Variants in NRXN1 observed in about 807,000 individuals in gnomAD.
NRXN1 encodes neurexin 1.
Under a neutral mutation model 150.9 loss-of-function variants are expected in NRXN1, and 39 were observed. The ratio of observed to expected loss-of-function variants is 0.26; its 90% CI spans 0.20 to 0.34. The LOEUF (loss-of-function observed/expected upper bound fraction) is 0.34, where lower values mean the gene tolerates loss of function less well. NRXN1 is among the 10% of genes least tolerant of loss of function. The probability of loss-of-function intolerance (pLI) is 1.00; values close to 1 mark genes in which losing one functional copy is unlikely to be tolerated. For missense variants in NRXN1, 1,815 were observed against 1,949.9 expected, an observed-to-expected ratio of 0.93 and a Z score of 1.30; for synonymous variants, 924 against 757.0, an observed-to-expected ratio of 1.22 and a Z score of -3.62.
At chr2:50,915,809 C>G (rs180998833) in intron 5 of NRXN1, among the ~76,000 whole-genome samples, 1 of 150,964 alleles carries the variant, frequency 6.6e-6, no homozygotes, top group South Asian at 2.1e-4. Context: ...AAAGCCTCCT[C>G]TATGCACTTT....
chr2:50,291,526 T>A (rs1363863590), intron 17 of NRXN1, among the ~76,000 whole-genome samples: 2 of 152,256 alleles, frequency 1.3e-5, no homozygotes, highest in Admixed American at 1.3e-4. Flanking sequence ...AGAGAAGCAT[T>A]CATCCCTGGA....
At chr2:50,988,978 C>T (rs1174364409) in intron 2 of NRXN1, among the ~76,000 whole-genome samples, 1 of 151,776 alleles carries the variant, frequency 6.6e-6, no homozygotes, top group East Asian at 1.9e-4. Flanking sequence ...TTATTTTCTG[C>T]CTTTCCCACT....
At chr2:50,947,270 T>C (rs1328885387) in intron 2 of NRXN1, among the ~76,000 whole-genome samples, 2 of 152,074 alleles carry the variant, frequency 1.3e-5, no homozygotes, top group East Asian at 1.9e-4. Flanking sequence ...ATCCCTGACA[T>C]GTACTACGCA....
intron 15 of NRXN1, among the ~76,000 whole-genome samples, chr2:50,485,144 A>C (rs2090772321): frequency 6.6e-6 from 1 of 152,206 alleles, no homozygotes; most frequent in African/African-American, 2.4e-5. Flanking sequence ...AATTGTTGTG[A>C]GGATTCAGAG....
chr2:50,704,177 T>C (rs142205927), intron 5 of NRXN1, among the ~76,000 whole-genome samples: 1 of 152,168 alleles, frequency 6.6e-6, no homozygotes, highest in East Asian at 1.9e-4. Context: ...GATAGAATAG[T>C]ATGCATCCTC....
At chr2:50,120,981 C>T (rs1703773468) in intron 18 of NRXN1, among the ~76,000 whole-genome samples, 2 of 152,150 alleles carry the variant, frequency 1.3e-5, no homozygotes, top group South Asian at 4.1e-4. Flanking sequence ...TAAGCACTTA[C>T]AATATGCCAG....
chr2:49,992,266 G>T (rs1682096187), intron 21 of NRXN1, among the ~76,000 whole-genome samples: 1 of 151,968 alleles, frequency 6.6e-6, no homozygotes, highest in Non-Finnish European at 1.5e-5. Context: ...TGGACCGGGT[G>T]CAGTGGCTCA....
chr2:50,259,185 C>G (rs890205714), intron 17 of NRXN1, among the ~76,000 whole-genome samples: 1 of 151,902 alleles, frequency 6.6e-6, no homozygotes, highest in Non-Finnish European at 1.5e-5. Context: ...AAGAAGATAC[C>G]TACATGGCAT....
chr2:50,850,743 T>G (rs1001229009), intron 5 of NRXN1, among the ~76,000 whole-genome samples: 3 of 37,536 alleles, frequency 8.0e-5, no homozygotes, highest in African/African-American at 1.1e-4. Context: ...TAAACTAAGG[T>G]TTTTTTTTTT....
chr2:51,012,361 T>A (rs1439706672), intron 2 of NRXN1, among the ~76,000 whole-genome samples: 1 of 152,028 alleles, frequency 6.6e-6, no homozygotes, highest in African/African-American at 2.4e-5. Context: ...ATCCATTAAC[T>A]ATAATTTGTA....
intron 5 of NRXN1, among the ~76,000 whole-genome samples, chr2:50,739,483 C>A (rs1699177218): frequency 6.6e-6 from 1 of 152,050 alleles, no homozygotes; most frequent in Non-Finnish European, 1.5e-5. Flanking sequence ...ACGTTTTAAA[C>A]TGAATGAACT....
intron 5 of NRXN1, among the ~76,000 whole-genome samples, chr2:50,676,722 A>G (rs149136228): frequency 6.6e-6 from 1 of 152,276 alleles, no homozygotes; most frequent in East Asian, 1.9e-4. Flanking sequence ...TATAAGCACT[A>G]AAGAGTTCCA....
chr2:50,539,144 T>C (rs1294076810), intron 9 of NRXN1, among the ~76,000 whole-genome samples: 7 of 144,676 alleles, frequency 4.8e-5, no homozygotes. Flanking sequence ...CCTAGCTGTA[T>C]AAACCTATTG....
At chr2:50,649,629 C>G (rs1685320741) in intron 5 of NRXN1, among the ~76,000 whole-genome samples, 2 of 151,948 alleles carry the variant, frequency 1.3e-5, no homozygotes, top group East Asian at 1.9e-4. Flanking sequence ...TTTTGTGACC[C>G]TGAAGCCATG....
chr2:50,538,132 GCAAA>G (rs2093307020), intron 10 of NRXN1, 117 bp downstream of exon 10: 1 of 1,127,354 alleles, frequency 8.9e-7, no homozygotes, highest in African/African-American at 1.6e-5. Context: ...TGCTCAGCTT[GCAAA>G]CAGAGTTTAC....
intron 8 of NRXN1, among the ~76,000 whole-genome samples, chr2:50,614,637 A>T (rs1242409131): frequency 8.5e-6 from 1 of 117,832 alleles, no homozygotes. Context: ...AAAGTATAAT[A>T]AAAATATATA....
At chr2:50,444,216 T>C (rs75699890) in intron 17 of NRXN1, among the ~76,000 whole-genome samples, 1,809 of 152,292 alleles carry the variant, frequency 0.012, 37 homozygotes, top group African/African-American at 0.04. Flanking sequence ...ACATTTAATT[T>C]TAGCCTTGGG....
At chr2:50,403,069 C>G (rs1449284123) in intron 17 of NRXN1, among the ~76,000 whole-genome samples, 6 of 151,612 alleles carry the variant, frequency 4.0e-5, no homozygotes, top group African/African-American at 1.5e-4. Flanking sequence ...CCAGGCTGGG[C>G]ACCCCAGGCA....
intron 15 of NRXN1, among the ~76,000 whole-genome samples, chr2:50,485,980 T>G (rs1205177331): frequency 6.6e-6 from 1 of 152,160 alleles, no homozygotes; most frequent in Non-Finnish European, 1.5e-5. Flanking sequence ...GATTAGTAAC[T>G]CAGATTGGTG....
Sources: gnomAD v4.1 joint callset for allele counts (sites outside exome capture counted in the v4.1 genomes callset) on GRCh38, gnomAD v4.1.1 for gene constraint, MANE v1.5 for transcripts, NCBI Gene and HGNC (gene_info 2026-07-23, HGNC 2026-07-21) for gene names.